MYO1G: variants seen among roughly 807,000 people sequenced by gnomAD.
The protein encoded by MYO1G is myosin IG.
MYO1G carries 65 observed loss-of-function variants against 115.3 expected under a neutral mutation model. That is an observed-to-expected ratio of 0.56 (90% CI 0.46 to 0.69). The LOEUF (loss-of-function observed/expected upper bound fraction) is 0.69. MYO1G is among the 30% of genes least tolerant of loss of function. The pLI, the probability that MYO1G is intolerant of heterozygous loss-of-function variation, is 0.00. For missense variants in MYO1G, 1,204 were observed against 1,393.5 expected, an observed-to-expected ratio of 0.86 and a Z score of 2.16; for synonymous variants, 510 against 552.6, an observed-to-expected ratio of 0.92 and a Z score of 1.08.
chr7:44,978,085 C>A (rs935608587), intron 1 of MYO1G, among the ~76,000 whole-genome samples: 4 of 152,184 alleles, frequency 2.6e-5, no homozygotes, highest in African/African-American at 9.7e-5. Context: ...GGCTCGTGGT[C>A]TCTTGCCTTC....
chr7:44,963,422 A>G lies in MYO1G; in HGVS notation c.2746-298T>C, dbSNP rs73317227. 4,169 of 404,310 alleles carry G rather than the reference A, an allele frequency of 0.01. 149 individuals are homozygous for G. Among genetic ancestry groups the G allele is most frequent in the African/African-American group, 0.079 (3,791 of 47,832 alleles). 25.0% of individuals were successfully genotyped at this position (404,310 alleles called of 1,614,324 possible). ...TGGATGCTAAGCCCTTGCATGTGCTACTGCCTGGAGGAGCCGTTTTTAGTT... is the reference window on the plus strand; with the variant it reads ...TGGATGCTAAGCCCTTGCATGTGCTGCTGCCTGGAGGAGCCGTTTTTAGTT... On this transcript the variant is annotated intron_variant, in intron 20 of 21. Transcript: ENST00000258787. This position sits in a 1 kb window ranked among gnomAD's most constrained non-coding sequence, Gnocchi z 4.1.
rs1002272536 is a variant in MYO1G, at chr7:44,965,822, C to T, written c.2196G>A (p.Arg732=). The T allele has an allele frequency of 1.2e-6, 2 of 1,601,004 alleles. No individual in the cohort carries two copies. The highest frequency in any genetic ancestry group is 1.7e-6 in the Non-Finnish European group (2 of 1,179,922). Residue 732 remains arginine, a synonymous_variant, in exon 17 of 22, where the codon AGG becomes AGA. Transcript: ENST00000258787. The stretch of plus-strand genomic sequence containing the variant: ...GCATGATGGTGTAGATAGCCCTCAG[C>T]CTCCGGCAGCGCCACCTCGCCAAGG... The part of the protein sequence containing the change: ...RGTLARWRCR[R]LRAIYTIMRW...
chr7:44,962,946 C>T lies in MYO1G; in HGVS notation c.2900+24G>A, dbSNP rs758328548. The T allele has an allele frequency of 4.0e-6, 6 of 1,511,222 alleles. No individual in the cohort carries two copies. In the African/African-American group the frequency reaches 7.2e-5, roughly 18 times the overall value. The allele number at this position is 1,511,222 out of a possible 1,614,324, so 93.6% of individuals were successfully genotyped here. A position where few individuals can be genotyped will look rare whatever the true frequency, so the allele number is the denominator to read the frequency against. On this transcript the variant is annotated intron_variant, in intron 21 of 21. Coordinates refer to ENST00000258787, the MANE Select transcript of MYO1G (RefSeq NM_033054.3). This position sits in a 1 kb window ranked among gnomAD's most constrained non-coding sequence, Gnocchi z 5.3. ...GGCCACGCGGCCGGGGCTTCGTGCC[C>T]GCTACCGCCCAGCCTGCACTCACCC...
chr7:44,974,886 T>G, intron 5 of MYO1G: 2 of 489,754 alleles, frequency 4.1e-6, no homozygotes, highest in African/African-American at 3.9e-5. Flanking sequence ...GTGGGGAGCT[T>G]ATTGTTCACA....
intron 5 of MYO1G, chr7:44,973,329 A>T (rs1483200159): frequency 6.6e-6 from 1 of 152,028 alleles, no homozygotes; most frequent in Non-Finnish European, 1.5e-5. Context: ...GTGGGAGTTC[A>T]AAGTCCAAGG....
At position 44,964,179 on chromosome 7, in the gene MYO1G, T is replaced by C. The variant is rs757437825; in HGVS notation, c.2632-17A>G. 1 of 1,567,278 alleles carries C rather than the reference T, an allele frequency of 6.4e-7. No individual in the cohort carries two copies. Among genetic ancestry groups the C allele is most frequent in the Non-Finnish European group, 8.7e-7 (1 of 1,154,174 alleles). ...GCGGTTCACCTGTGGGAGAGGTGGC[T>C]GGACCCAGGCTGGTGCTGCCCTGTC... On this transcript the variant is annotated splice_polypyrimidine_tract_variant and intron_variant, in intron 19 of 21. Coordinates refer to ENST00000258787, the MANE Select transcript of MYO1G (RefSeq NM_033054.3). The surrounding 1 kb of genome is among the most constrained non-coding windows in gnomAD (Gnocchi z 5.1).
chr7:44,970,082 C>T lies in MYO1G; in HGVS notation c.1290G>A (p.Gln430=). 1 of 1,614,112 alleles carries T rather than the reference C, an allele frequency of 6.2e-7. No individual in the cohort carries two copies. Among genetic ancestry groups the T allele is most frequent in the Non-Finnish European group, 8.5e-7 (1 of 1,180,026 alleles). The stretch of plus-strand genomic sequence containing the variant: ...CCTCGCGCTCGTACTCTTCCTGTTC[C>T]TGCTTCAGGATGAGCTGGATGAATA... The part of the protein sequence containing the change: ...QQLFIQLILK[Q]EQEEYEREGI... The change falls in exon 10 of 22, where the codon CAG becomes CAA. Residue 430 remains glutamine, a synonymous_variant. Coordinates refer to ENST00000258787, the MANE Select transcript of MYO1G (RefSeq NM_033054.3).
In MYO1G at chr7:44,970,709, A is replaced by G. The variant is rs370221955; in HGVS notation, c.1100T>C (p.Val367Ala). ...KAVYQRLFEW[V>A]VNRINSVMEP... The stretch of plus-strand genomic sequence containing the variant: ...CATGACACTGTTGATCCTGTTCACC[A>G]CCCACTCAAACAGCCGCTGGTACAC... The change falls in exon 9 of 22, where the codon GTG (valine) becomes GCG (alanine). Residue 367 changes from valine (V) to alanine (A), a missense_variant. Transcript: ENST00000258787. 1.2e-6 allele frequency: 2 copies of G among 1,613,796 alleles called. No homozygotes were observed. The highest frequency in any genetic ancestry group is 1.7e-6 in the Non-Finnish European group (2 of 1,180,000).
At chr7:44,968,632 G>A (rs1006846294) in intron 12 of MYO1G, 3 of 152,018 alleles carry the variant, frequency 2.0e-5, no homozygotes, top group African/African-American at 7.3e-5. Flanking sequence ...AGCCTCCCGA[G>A]CAACTGGCAT....
chr7:44,964,651 G>A lies in MYO1G; in HGVS notation c.2527-132C>T, dbSNP rs970407219. The A allele has an allele frequency of 6.1e-5, 51 of 837,462 alleles. No individual in the cohort carries two copies. Among genetic ancestry groups the A allele is most frequent in the South Asian group, 9.1e-5 (6 of 65,658 alleles). 51.9% of individuals were successfully genotyped at this position (837,462 alleles called of 1,614,324 possible). ...GAAACTGAGTCACACAGACTTGTGC[G>A]TGAGCTGAGCAGCCCTGGATTTCCT... On this transcript the variant is annotated intron_variant, in intron 18 of 21. Coordinates refer to ENST00000258787, the MANE Select transcript of MYO1G (RefSeq NM_033054.3). The surrounding 1 kb of genome is among the most constrained non-coding windows in gnomAD (Gnocchi z 5.1).
chr7:44,971,152 A>G (rs1046047334), intron 7 of MYO1G, 93 bp from the exon 8 acceptor site: 24 of 1,111,304 alleles, frequency 2.2e-5, no homozygotes, highest in Non-Finnish European at 2.8e-5. Flanking sequence ...AGCAGGGGAC[A>G]TGGATGCGGT....
Position 44,969,826 on chromosome 7 carries a change from T to C in MYO1G, c.1382A>G (p.His461Arg). Residue 461 changes from histidine (H) to arginine (R), a missense_variant, in exon 11 of 22, where the codon CAC (histidine) becomes CGC (arginine). Transcript: ENST00000258787. This position sits in a 1 kb window ranked among gnomAD's most constrained non-coding sequence, Gnocchi z 5.0. ...GTCCAGCACGGCCAGGATGCCACGG[T>C]GGGGCCGCTCCACCAGATCCACAAT... Reference protein sequence around the residue: ...ATIVDLVERPHRGILAVLDEA... With the variant: ...ATIVDLVERPRRGILAVLDEA... 1 of 1,613,026 alleles carries C rather than the reference T, an allele frequency of 6.2e-7. No individual in the cohort carries two copies. The highest frequency in any genetic ancestry group is 8.5e-7 in the Non-Finnish European group (1 of 1,179,692).
At chr7:44,971,132 G>C in intron 7 of MYO1G, 73 bp from the exon 8 acceptor site, 1 of 1,398,148 alleles carries the variant, frequency 7.2e-7, no homozygotes, top group Admixed American at 2.0e-5. Context: ...GGACAAGAAG[G>C]AGGAAGGAAA....
intron 1 of MYO1G, among the ~76,000 whole-genome samples, chr7:44,978,240 C>T (rs892757796): frequency 2.0e-5 from 3 of 152,208 alleles, no homozygotes; most frequent in African/African-American, 7.2e-5. Context: ...GCCCCTACCT[C>T]CCGGGCTTCT....
At position 44,975,492 on chromosome 7, in the gene MYO1G, G is replaced by A. The variant is rs757440640; in HGVS notation, c.556C>T (p.Leu186=). The A allele has an allele frequency of 1.9e-6, 3 of 1,609,374 alleles. No homozygotes were observed. The South Asian group carries it at 3.3e-5, about 18-fold the overall frequency. Reference sequence around the variant, plus strand: ...TCAGCCCACCTGCCCACCTTCTCCAGTAGGTAGCTGTGGATGTGTCCTCCG... The same window carrying A: ...TCAGCCCACCTGCCCACCTTCTCCAATAGGTAGCTGTGGATGTGTCCTCCG... ...PIGGHIHSYL[L]EKSRVLKQHV... is the part of the protein sequence containing the mutation. The change falls in exon 4 of 22, where the codon CTG becomes TTG. Residue 186 remains leucine, a synonymous_variant. Transcript: ENST00000258787.
chr7:44,972,408 G>A, intron 5 of MYO1G, 183 bp from the exon 6 acceptor site: 1 of 578,386 alleles, frequency 1.7e-6, no homozygotes, highest in East Asian at 3.0e-5. Flanking sequence ...GCTGTTCAGT[G>A]GGTCAGGGAG....
Position 44,969,942 on chromosome 7 carries a change from A to T in MYO1G, c.1333-67T>A. The T allele has an allele frequency of 6.3e-7, 1 of 1,587,524 alleles. No homozygotes were observed. Among genetic ancestry groups the T allele is most frequent in the African/African-American group, 1.3e-5 (1 of 74,634 alleles). On this transcript the variant is annotated intron_variant, in intron 10 of 21. Transcript: ENST00000258787. The surrounding 1 kb of genome is among the most constrained non-coding windows in gnomAD (Gnocchi z 5.0). ...CAGGCCACCTCCCCTCCTCCGCCCC[A>T]CACTCAGCCACCTGTCAGGCCAGCC...
At chr7:44,975,429 G>C in intron 4 of MYO1G, 55 bp downstream of exon 4, 1 of 1,573,864 alleles carries the variant, frequency 6.4e-7, no homozygotes, top group Non-Finnish European at 8.7e-7. Context: ...TCCCAGGCCT[G>C]GGATGGGTCT....
rs757470830 is a variant in MYO1G, at chr7:44,970,575, G to A, written c.1217+17C>T. The A allele has an allele frequency of 3.7e-6, 6 of 1,612,188 alleles. No homozygotes were observed. Among genetic ancestry groups the A allele is most frequent in the Non-Finnish European group, 5.1e-6 (6 of 1,179,750 alleles). On this transcript the variant is annotated intron_variant, in intron 9 of 21. Transcript: ENST00000258787. ...GCTGGGTGTCAGAGGTGGAGATGTG[G>A]CTGGCCAGCCACCCACCTGTTGACG...
Sources: allele counts gnomAD v4.1 joint callset (sites outside exome capture counted in the v4.1 genomes callset), GRCh38; gene constraint gnomAD v4.1.1; non-coding constraint Gnocchi (gnomAD v3.1); transcripts MANE v1.5; gene names NCBI Gene and HGNC (gene_info 2026-07-23, HGNC 2026-07-21).